ACACA: variants seen among roughly 807,000 people sequenced by gnomAD.
ACACA encodes acetyl-CoA carboxylase 1.
A neutral mutation model predicts 296.1 loss-of-function variants in ACACA; 103 were observed. That is an observed-to-expected ratio of 0.35 (90% CI 0.30 to 0.41). ACACA has a LOEUF of 0.41. ACACA is among the 10% of genes least tolerant of loss of function. The pLI is 1.00. For missense variants in ACACA, 1,554 were observed against 2,989.7 expected (o/e 0.52, Z 11.20); for synonymous variants, 953 against 1,038.6 (o/e 0.92, Z 1.58).
At position 37,226,437 on chromosome 17, in the gene ACACA, G is replaced by A; in HGVS notation, c.3262C>T (p.Arg1088Trp). The A allele has an allele frequency of 8.1e-6, 13 of 1,613,752 alleles. No individual in the cohort carries two copies. Among genetic ancestry groups the A allele is most frequent in the Non-Finnish European group, 1.1e-5 (13 of 1,179,824 alleles). ...VTMLIDQLCG[R>W]DPTLTDELLN... ...AGCTCATCAGTGAGAGTAGGGTCCC[G>A]GCCACACAACTGATCCTAATTGTTA... The change falls in exon 26 of 56, where the codon CGG becomes TGG. Residue 1088 changes from arginine to tryptophan, a missense_variant. Physicochemically the swap from Arg to Trp is moderately radical, Grantham distance 101. Transcript: ENST00000616317.
intron 1 of ACACA, among the ~76,000 whole-genome samples, chr17:37,401,228 T>C (rs1028757924): frequency 6.6e-6 from 1 of 150,750 alleles, no homozygotes; most frequent in African/African-American, 2.4e-5. Flanking sequence ...AGAGTCTTGC[T>C]GTTGCCCAGG....
In ACACA at chr17:37,087,241, C is replaced by T. The variant is rs1313511468; in HGVS notation, c.*75G>A. 1.9e-6 allele frequency: 3 copies of T among 1,596,122 alleles called. No individual in the cohort carries two copies. The highest frequency in any genetic ancestry group is 2.7e-5 in the African/African-American group (2 of 74,504). ...CTGGGTCTCCTGTGCCTTCTCATTA[C>T]AGTGGTTACAGTTGTAAAAGGCAGC... On this transcript the variant is annotated 3_prime_UTR_variant, in exon 56 of 56. Transcript: ENST00000616317.
chr17:37,266,098 G>A (rs2081756299), intron 10 of ACACA, among the ~76,000 whole-genome samples: 1 of 152,152 alleles, frequency 6.6e-6, no homozygotes, highest in South Asian at 2.1e-4. Context: ...GGGCACGTCA[G>A]GATGCTGTGA....
intron 51 of ACACA, among the ~76,000 whole-genome samples, chr17:37,112,303 A>G (rs2074020981): frequency 6.6e-6 from 1 of 152,218 alleles, no homozygotes; most frequent in South Asian, 2.1e-4. Context: ...GTTTAAAAAA[A>G]TTATAGATAA....
intron 29 of ACACA, among the ~76,000 whole-genome samples, chr17:37,213,060 A>G (rs945360081): frequency 6.6e-6 from 1 of 152,060 alleles, no homozygotes; most frequent in Non-Finnish European, 1.5e-5. Context: ...GCTCATGCCT[A>G]TAATTCCAGC....
intron 45 of ACACA, among the ~76,000 whole-genome samples, chr17:37,148,013 G>A (rs1218095529): frequency 1.3e-5 from 2 of 151,980 alleles, no homozygotes; most frequent in Non-Finnish European, 2.9e-5. Flanking sequence ...GGGCAGGGGG[G>A]AGAAAGAAAC....
At chr17:37,194,711 G>C (rs908142196) in intron 35 of ACACA, among the ~76,000 whole-genome samples, 57 of 152,084 alleles carry the variant, frequency 3.7e-4, no homozygotes, top group African/African-American at 1.3e-3. Context: ...TCTTGAATAC[G>C]TTCCATAAGT....
In ACACA at chr17:37,213,275, G is replaced by C. The variant is rs1393243708; in HGVS notation, c.3684-2785C>G. On this transcript the variant is annotated intron_variant, in intron 29 of 55. Transcript: ENST00000616317. ...GAAGGTTGAGGTGGAAGGATCGCTT[G>C]AGCCAGGAGGCTGAGGTTGCAGTGA... 6.0e-5 allele frequency among the ~76,000 whole-genome samples: 9 copies of C among 149,532 alleles called. No homozygotes were observed. In the Admixed American group the frequency reaches 6.0e-4, roughly 10 times the overall value.
intron 1 of ACACA, chr17:37,388,788 A>G (rs991070877): frequency 6.8e-6 from 11 of 1,613,076 alleles, no homozygotes; most frequent in Middle Eastern, 1.6e-4. Flanking sequence ...TTGAAGTCCC[A>G]TGTCCTGTAA....
At chr17:37,333,034 G>A (rs1265798535) in intron 2 of ACACA, among the ~76,000 whole-genome samples, 2 of 152,090 alleles carry the variant, frequency 1.3e-5, no homozygotes, top group Non-Finnish European at 2.9e-5. Context: ...ACTTTGAAAA[G>A]TGGGGTATGC....
chr17:37,135,710 T>C (rs2075301924), intron 45 of ACACA, among the ~76,000 whole-genome samples: 1 of 151,948 alleles, frequency 6.6e-6, no homozygotes, highest in South Asian at 2.1e-4. Flanking sequence ...GATTTGAAGG[T>C]GGAGTGGGTA....
chr17:37,149,315 C>T (rs1456015793), intron 45 of ACACA, among the ~76,000 whole-genome samples: 8 of 152,316 alleles, frequency 5.3e-5, no homozygotes, highest in Admixed American at 2.0e-4. Context: ...AGACCACCAT[C>T]GGTGCCCTTT....
At chr17:37,121,316 A>G (rs1281878480) in intron 50 of ACACA, 39 bp downstream of exon 50, 1 of 1,613,666 alleles carries the variant, frequency 6.2e-7, no homozygotes, top group South Asian at 1.1e-5. Flanking sequence ...GTGCCCAGTA[A>G]TCAGTGATGC....
intron 3 of ACACA, among the ~76,000 whole-genome samples, chr17:37,302,966 G>T (rs2083701120): frequency 6.6e-6 from 1 of 152,090 alleles, no homozygotes; most frequent in African/African-American, 2.4e-5. Flanking sequence ...CATTATATGT[G>T]TCATTTTTTT....
intron 52 of ACACA, among the ~76,000 whole-genome samples, chr17:37,104,710 G>A (rs1421335371): frequency 3.9e-5 from 6 of 152,204 alleles, no homozygotes; most frequent in African/African-American, 1.4e-4. Context: ...GAGAGGCCAA[G>A]GTGGGAAGGA....
intron 2 of ACACA, among the ~76,000 whole-genome samples, chr17:37,336,190 C>A (rs1449830999): frequency 6.6e-6 from 1 of 152,094 alleles, no homozygotes; most frequent in Non-Finnish European, 1.5e-5. Flanking sequence ...ACCCCTGGAC[C>A]GGCCTGCTAG....
At chr17:37,301,639 C>T (rs990267443) in intron 3 of ACACA, among the ~76,000 whole-genome samples, 1 of 152,210 alleles carries the variant, frequency 6.6e-6, no homozygotes, top group African/African-American at 2.4e-5. Flanking sequence ...TCTTTGTGGA[C>T]TCTAAATTCT....
At position 37,248,691 on chromosome 17, in the gene ACACA, A is replaced by G. The variant is rs376074347; in HGVS notation, c.2082-17T>C. On this transcript the variant is annotated splice_polypyrimidine_tract_variant and intron_variant, in intron 16 of 55. Transcript: ENST00000616317. The stretch of plus-strand genomic sequence containing the variant: ...ACTTGACCCCTGAAAGAACGATGAG[A>G]GAGGAACTTACTACAAAGTTCTAAC... 3.7e-5 allele frequency: 57 copies of G among 1,551,118 alleles called. No homozygotes were observed. Among genetic ancestry groups the G allele is most frequent in the East Asian group, 3.6e-4 (16 of 44,320 alleles).
intron 1 of ACACA, among the ~76,000 whole-genome samples, chr17:37,370,983 CAA>C (rs77796641): frequency 6.1e-5 from 8 of 131,338 alleles, no homozygotes; most frequent in African/African-American, 1.2e-4. Context: ...GACTCCATCT[CAA>C]AAAAAAAAAA....
Sources: allele counts gnomAD v4.1 joint callset (sites outside exome capture counted in the v4.1 genomes callset), GRCh38; gene constraint gnomAD v4.1.1; transcripts MANE v1.5; gene names NCBI Gene and HGNC (gene_info 2026-07-23, HGNC 2026-07-21).